MBD6: variants seen among roughly 807,000 people sequenced by gnomAD.
MBD6 encodes methyl-CpG-binding domain protein 6.
MBD6 carries 22 observed loss-of-function variants against 66.8 expected under a neutral mutation model. The observed-to-expected ratio is 0.33, with a 90% CI of 0.24 to 0.47. The LOEUF (loss-of-function observed/expected upper bound fraction) is 0.47. Among genes scored for constraint, MBD6 ranks in the 20% least tolerant of loss-of-function variants. The pLI is 1.00. For synonymous variants in MBD6, 540 were observed against 534.6 expected (o/e 1.01, Z -0.14); for missense variants, 1,322 against 1,286.9 (o/e 1.03, Z -0.42).
chr12:57,526,209 C>T lies in MBD6; in HGVS notation c.1241C>T (p.Ser414Phe). 2 of 1,614,168 alleles carry T rather than the reference C, an allele frequency of 1.2e-6. No homozygotes were observed. The highest frequency in any genetic ancestry group is 1.7e-6 in the Non-Finnish European group (2 of 1,180,030). ...PSQPILPSVL[S>F]LLGLPTPGPS... ...CAACCAATTCTCCCTTCTGTGCTGT[C>T]CCTGCTGGGACTCCCCACCCCTGGC... The change falls in exon 6 of 13, where the codon TCC becomes TTC. Residue 414 changes from serine (S) to phenylalanine (F), a missense_variant. Physicochemically the swap from Ser to Phe is radical, Grantham distance 155. Transcript: ENST00000355673.
chr12:57,530,794 GT>G (rs759390943), downstream of MBD6: 1 of 1,601,424 alleles, frequency 6.2e-7, no homozygotes, highest in Non-Finnish European at 8.6e-7. Flanking sequence ...TGGTAGAGAG[GT>G]TTTACTCTTT....
Position 57,528,153 on chromosome 12 carries a change from C to G in MBD6, c.2413C>G (p.Pro805Ala). 1 of 1,602,800 alleles carries G rather than the reference C, an allele frequency of 6.2e-7. No homozygotes were observed. Among genetic ancestry groups the G allele is most frequent in the Non-Finnish European group, 8.5e-7 (1 of 1,176,180 alleles). ...ACLLQSLQIP[P>A]EQPEAPCLPP... ...CTTATTTTTTTGCCAGCAGATCCCT[C>G]CAGAGCAGCCAGAAGCCCCCTGTCT... The change falls in exon 10 of 13, where the codon CCA becomes GCA. Residue 805 changes from proline to alanine, a missense_variant. Pro to Ala is a conservative substitution (Grantham distance 27, BLOSUM62 -1). Transcript: ENST00000355673.
chr12:57,526,216 G>A lies in MBD6; in HGVS notation c.1248G>A (p.Leu416=), dbSNP rs1202257558. 1.2e-6 allele frequency: 2 copies of A among 1,613,900 alleles called. No homozygotes were observed. Among genetic ancestry groups the A allele is most frequent in the African/African-American group, 2.7e-5 (2 of 74,888 alleles). The part of the protein sequence containing the change: ...QPILPSVLSL[L]GLPTPGPSHS... Reference sequence around the variant, plus strand: ...TTCTCCCTTCTGTGCTGTCCCTGCTGGGACTCCCCACCCCTGGCCCTTCCC... The same window carrying A: ...TTCTCCCTTCTGTGCTGTCCCTGCTAGGACTCCCCACCCCTGGCCCTTCCC... Residue 416 remains leucine (L), a synonymous_variant, in exon 6 of 13, where the codon CTG becomes CTA. Coordinates refer to ENST00000355673, the MANE Select transcript of MBD6 (RefSeq NM_052897.4).
rs772401252 is a variant in MBD6, at chr12:57,526,798, A to G, written c.1653A>G (p.Pro551=). The change falls in exon 7 of 13, where the codon CCA becomes CCG. Residue 551 remains proline, a synonymous_variant. Transcript: ENST00000355673. ...LPLPLSLGQP[P]PSPLLNHSLF... ...TCCCTCTGAGTCTGGGGCAGCCTCC[A>G]CCTTCTCCATTGCTCAACCACAGTT... 3.0e-5 allele frequency: 49 copies of G among 1,609,602 alleles called. No homozygotes were observed. Among genetic ancestry groups the G allele is most frequent in the Non-Finnish European group, 4.0e-5 (47 of 1,177,200 alleles).
upstream of MBD6, chr12:57,521,882 G>A (rs1019291880): frequency 6.6e-6 from 1 of 152,150 alleles, no homozygotes. Flanking sequence ...GGGGAGACCG[G>A]AGCCGCGATT....
In MBD6 at chr12:57,525,047, G is replaced by A. The variant is rs1466892701; in HGVS notation, c.311G>A (p.Arg104Gln). 11 of 1,613,182 alleles carry A rather than the reference G, an allele frequency of 6.8e-6. No individual in the cohort carries two copies. Among genetic ancestry groups the A allele is most frequent in the African/African-American group, 1.3e-5 (1 of 74,858 alleles). Residue 104 changes from arginine (R) to glutamine (Q), a missense_variant, in exon 5 of 13, where the codon CGG becomes CAG. Physicochemically the swap from Arg to Gln is conservative, Grantham distance 43. Transcript: ENST00000355673. The stretch of plus-strand genomic sequence containing the variant: ...GACATGACCAAGCTGTGCAACCACC[G>A]GCGGAAAGCTGTTGCTATGGCAACT... Reference protein sequence around the residue: ...EEDMTKLCNHRRKAVAMATLY... With the variant: ...EEDMTKLCNHQRKAVAMATLY...
rs762648935 is a variant in MBD6, at chr12:57,527,218, A to AC, written c.2080dup (p.Gln694ProfsTer23). ...CCACCCTGGATCCCCCCTCGGGGAC[A>AC]CCCCCCCAGGTGAGGATGGGGGTGA... On this transcript the variant is annotated frameshift_variant, in exon 7 of 13. Transcript: ENST00000355673. LOFTEE classifies it high-confidence loss of function. The AC allele has an allele frequency of 8.0e-6, 12 of 1,499,678 alleles. No homozygotes were observed. The highest frequency in any genetic ancestry group is 2.3e-5 in the East Asian group (1 of 43,380). 92.9% of individuals were successfully genotyped at this position (1,499,678 alleles called of 1,614,324 possible).
chr12:57,530,657 G>C (rs1879591760), downstream of MBD6: 1 of 1,564,942 alleles, frequency 6.4e-7, no homozygotes, highest in South Asian at 1.1e-5. Flanking sequence ...CAGGGGTAGG[G>C]ATAACCCCTG....
At position 57,529,434 on chromosome 12, in the gene MBD6, C is replaced by CCCA. The variant is rs1879398101; in HGVS notation, c.*202_*203insACC. On this transcript the variant is annotated 3_prime_UTR_variant, in exon 13 of 13. Coordinates refer to ENST00000355673, the MANE Select transcript of MBD6 (RefSeq NM_052897.4). ...GGGAAGTTCACCCCCCCCCACCACC[C>CCCA]CCCCGCCCCCCCGAAGCCATGTCAC... 1.8e-6 allele frequency: 1 copy of CCCA among 544,240 alleles called. No homozygotes were observed. The highest frequency in any genetic ancestry group is 3.2e-6 in the Non-Finnish European group (1 of 309,100). The allele number at this position is 544,240 out of a possible 1,614,324, so 33.7% of individuals were successfully genotyped here.
downstream of MBD6, chr12:57,530,459 T>G (rs1017520061): frequency 2.3e-5 from 11 of 473,274 alleles, no homozygotes; most frequent in African/African-American, 1.9e-4. Flanking sequence ...GCCCACGTCC[T>G]TATCCCCCAG....
In MBD6 at chr12:57,528,327, G is replaced by C. The variant is rs753181989; in HGVS notation, c.2587G>C (p.Gly863Arg). 6.2e-7 allele frequency: 1 copy of C among 1,609,374 alleles called. No individual in the cohort carries two copies. The highest frequency in any genetic ancestry group is 8.5e-7 in the Non-Finnish European group (1 of 1,177,800). Reference protein sequence around the residue: ...GSGKRGRRGGGGLRGINGEAR... With the variant: ...GSGKRGRRGGRGLRGINGEAR... Reference sequence around the variant, plus strand: ...AGGGAAACGGGGCCGGAGGGGAGGAGGGGGACTTAGGGGCATTAATGGTGA... The same window carrying C: ...AGGGAAACGGGGCCGGAGGGGAGGACGGGGACTTAGGGGCATTAATGGTGA... Residue 863 changes from glycine to arginine, a missense_variant, in exon 10 of 13, where the codon GGG (glycine) becomes CGG (arginine). Gly to Arg is a moderately radical substitution (Grantham distance 125). Transcript: ENST00000355673.
Position 57,528,379 on chromosome 12 carries a change from C to T in MBD6, c.2639C>T (p.Pro880Leu), listed in dbSNP as rs1384774916. The change falls in exon 10 of 13, where the codon CCT (proline) becomes CTT (leucine). Residue 880 changes from proline to leucine, a missense_variant. Transcript: ENST00000355673. ...GEARPARGRK[P>L]GSRREPGRLA... ...GCCAGGCCAGCCCGGGGCCGAAAGC[C>T]TGGCAGCCGGCGGGAGCCTGGCCGA... 2.5e-6 allele frequency: 4 copies of T among 1,612,846 alleles called. No individual in the cohort carries two copies. Among genetic ancestry groups the T allele is most frequent in the South Asian group, 1.1e-5 (1 of 91,062 alleles).
rs1487732899 is a variant in MBD6, at chr12:57,529,424, C to G, written c.*190C>G. 3.8e-6 allele frequency: 2 copies of G among 530,186 alleles called. No individual in the cohort carries two copies. The highest frequency in any genetic ancestry group is 3.3e-6 in the Non-Finnish European group (1 of 299,720). 32.8% of individuals were successfully genotyped at this position (530,186 alleles called of 1,614,324 possible). A position where few individuals can be genotyped will look rare whatever the true frequency, so the allele number is the denominator to read the frequency against. ...GCAGGGGGCAGGGAAGTTCACCCCC[C>G]CCCACCACCCCCCCGCCCCCCCGAA... is the stretch of plus-strand genomic sequence containing the variant. On this transcript the variant is annotated 3_prime_UTR_variant, in exon 13 of 13. Transcript: ENST00000355673.
At position 57,525,813 on chromosome 12, in the gene MBD6, C is replaced by A; in HGVS notation, c.845C>A (p.Pro282His). 6.2e-7 allele frequency: 1 copy of A among 1,613,610 alleles called. No homozygotes were observed. The highest frequency in any genetic ancestry group is 8.5e-7 in the Non-Finnish European group (1 of 1,179,766). ...CCGAGCAATAATCTCCCCGCCCACC[C>A]TGGTCCTGCCTCTCAGCCACCAGTG... is the stretch of plus-strand genomic sequence containing the variant. ...LPPSNNLPAHPGPASQPPVSS... is the reference protein window; with the variant it reads ...LPPSNNLPAHHGPASQPPVSS... The change falls in exon 6 of 13, where the codon CCT becomes CAT. Residue 282 changes from proline to histidine, a missense_variant. Pro to His is a moderately conservative substitution (Grantham distance 77). Coordinates refer to ENST00000355673, the MANE Select transcript of MBD6 (RefSeq NM_052897.4).
At chr12:57,523,637 G>A (rs929126454) in intron 1 of MBD6, among the ~76,000 whole-genome samples, 2 of 152,180 alleles carry the variant, frequency 1.3e-5, no homozygotes, top group African/African-American at 4.8e-5. Flanking sequence ...GGTGACCTGT[G>A]GGGCAATCTG....
rs1449193462 is a variant in MBD6, at chr12:57,527,063, G to A, written c.1918G>A (p.Gly640Arg). ...GGGCCCCACAGCTGGGGATGGGGAGGGATCTGCAGAGGGAGCCGGGGGTCC... is the reference window on the plus strand; with the variant it reads ...GGGCCCCACAGCTGGGGATGGGGAGAGATCTGCAGAGGGAGCCGGGGGTCC... ...ALGPTAGDGE[G>R]SAEGAGGPSG... The change falls in exon 7 of 13, where the codon GGA (glycine) becomes AGA (arginine). Residue 640 changes from glycine to arginine, a missense_variant. By Grantham distance (125) the Gly-to-Arg change is moderately radical. Transcript: ENST00000355673. 4 of 1,607,000 alleles carry A rather than the reference G, an allele frequency of 2.5e-6. No individual in the cohort carries two copies. The highest frequency in any genetic ancestry group is 2.6e-6 in the Non-Finnish European group (3 of 1,175,250).
rs562070371 is a variant in MBD6 at position 57,526,855 on chromosome 12, A to G, written c.1710A>G (p.Gln570=). 6.8e-6 allele frequency: 11 copies of G among 1,612,744 alleles called. No homozygotes were observed. The African/African-American group carries it at 1.3e-4, about 20-fold the overall frequency. Residue 570 remains glutamine, a synonymous_variant, in exon 7 of 13, where the codon CAA becomes CAG. Transcript: ENST00000355673. The part of the protein sequence containing the change: ...LFGVLTGGGG[Q]PPPEPLLPPP... ...GTGTGCTGACTGGGGGAGGAGGACA[A>G]CCTCCCCCTGAGCCCCTGCTACCCC...
rs1467099273 is a variant in MBD6, at chr12:57,527,947, C to T, written c.2336C>T (p.Pro779Leu). 1.2e-6 allele frequency: 2 copies of T among 1,600,074 alleles called. No homozygotes were observed. Among genetic ancestry groups the T allele is most frequent in the Admixed American group, 1.8e-5 (1 of 56,722 alleles). ...LSGQLGLQLL[P>L]GGGAPPPLSE... is the part of the protein sequence containing the mutation. Reference sequence around the variant, plus strand: ...GGCCAGTTGGGGCTGCAGCTCCTCCCTGGGGGGGGAGCTCCTCCACCCCTC... The same window carrying T: ...GGCCAGTTGGGGCTGCAGCTCCTCCTTGGGGGGGGAGCTCCTCCACCCCTC... The change falls in exon 9 of 13, where the codon CCT becomes CTT. Residue 779 changes from proline to leucine, a missense_variant. Pro to Leu is a moderately conservative substitution (Grantham distance 98). Coordinates refer to ENST00000355673, the MANE Select transcript of MBD6 (RefSeq NM_052897.4).
At chr12:57,530,525 T>G, downstream of MBD6, 1 of 587,664 alleles carries the variant, frequency 1.7e-6, no homozygotes, top group Non-Finnish European at 3.0e-6. Context: ...CACTCTGTAT[T>G]CATCAGGGGA....
Sources: allele counts gnomAD v4.1 joint callset (sites outside exome capture counted in the v4.1 genomes callset), GRCh38; gene constraint gnomAD v4.1.1; transcripts MANE v1.5; gene names NCBI Gene and HGNC (gene_info 2026-07-23, HGNC 2026-07-21).